The following ZFYVE28 variants were observed in gnomAD, a reference collection of about 807,000 sequenced individuals.
ZFYVE28 encodes lateral signaling target protein 2 homolog.
ZFYVE28 carries 40 observed loss-of-function variants against 82.1 expected under a neutral mutation model. That is an observed-to-expected ratio of 0.49 (90% CI 0.38 to 0.63). The LOEUF is 0.63. Among genes scored for constraint, ZFYVE28 ranks in the 30% least tolerant of loss-of-function variants. ZFYVE28 has a pLI of 0.00. For missense variants in ZFYVE28, 1,321 were observed against 1,242.1 expected (o/e 1.06, Z -0.96); for synonymous variants, 612 against 546.1 (o/e 1.12, Z -1.68).
intron 1 of ZFYVE28, chr4:2,364,386 GC>G: frequency 1.0e-6 from 1 of 959,052 alleles, no homozygotes; most frequent in South Asian, 4.8e-5. Context: ...CGCCCTGCCC[GC>G]CCCAAGGGCA....
At chr4:2,285,452 T>G (rs1378652776) in intron 8 of ZFYVE28, 4 of 152,294 alleles carry the variant, frequency 2.6e-5, no homozygotes, top group African/African-American at 9.6e-5. Context: ...GTGTCAGCCC[T>G]AATAACTTCC....
intron 7 of ZFYVE28, among the ~76,000 whole-genome samples, chr4:2,312,672 G>A (rs1484982117): frequency 1.1e-4 from 16 of 146,380 alleles, no homozygotes; most frequent in Admixed American, 7.7e-4. Context: ...AGCTTGCAGT[G>A]AGCGAGATCG....
At chr4:2,415,451 T>TACACAC (rs58420760) in intron 1 of ZFYVE28, among the ~76,000 whole-genome samples, 12,654 of 147,194 alleles carry the variant, frequency 0.086, 600 homozygotes, top group East Asian at 0.25. Flanking sequence ...ACCCTGTCTC[T>TACACAC]ACACACACAC....
rs1255526578 is a variant in ZFYVE28 at position 2,341,366 on chromosome 4, G to A, written c.318+112C>T. 10 of 1,431,916 alleles carry A rather than the reference G, an allele frequency of 7.0e-6. No individual in the cohort carries two copies. Among genetic ancestry groups the A allele is most frequent in the Non-Finnish European group, 9.5e-6 (10 of 1,049,444 alleles). The allele number at this position is 1,431,916 out of a possible 1,614,324, so 88.7% of individuals were successfully genotyped here. ...GTAACCCAGAGTGGACGGAGCTCTT[G>A]GAGGAGACACCAGGTCCCGGCACCT... On this transcript the variant is annotated intron_variant, in intron 3 of 12. Coordinates refer to ENST00000290974, the MANE Select transcript of ZFYVE28 (RefSeq NM_020972.3). This position sits in a 1 kb window ranked among gnomAD's most constrained non-coding sequence, Gnocchi z 4.5.
At chr4:2,373,523 A>T (rs13139003) in intron 1 of ZFYVE28, among the ~76,000 whole-genome samples, 2 of 151,964 alleles carry the variant, frequency 1.3e-5, no homozygotes, top group Non-Finnish European at 2.9e-5. Flanking sequence ...AATTTTAAGT[A>T]TGGAAGTTCT....
intron 1 of ZFYVE28, among the ~76,000 whole-genome samples, chr4:2,368,649 A>G (rs1727175921): frequency 6.6e-6 from 1 of 152,206 alleles, no homozygotes; most frequent in Non-Finnish European, 1.5e-5. Flanking sequence ...CATCCACATT[A>G]CAGCATAAAT....
At chr4:2,399,360 T>C (rs1730920764) in intron 1 of ZFYVE28, among the ~76,000 whole-genome samples, 1 of 152,132 alleles carries the variant, frequency 6.6e-6, no homozygotes. Context: ...AAAGGTGAAA[T>C]CTCTGCCCCT....
At chr4:2,357,622 A>G (rs2108888038) in intron 1 of ZFYVE28, among the ~76,000 whole-genome samples, 1 of 152,332 alleles carries the variant, frequency 6.6e-6, no homozygotes, top group South Asian at 2.1e-4. Context: ...GTCCCACAGC[A>G]GACACCTGGC....
intron 8 of ZFYVE28, among the ~76,000 whole-genome samples, chr4:2,289,411 G>C (rs1052478245): frequency 6.6e-6 from 1 of 152,214 alleles, no homozygotes; most frequent in Non-Finnish European, 1.5e-5. Context: ...CCTGGGCCGC[G>C]TAACACAGGC....
chr4:2,351,332 C>T (rs73087170), intron 2 of ZFYVE28, among the ~76,000 whole-genome samples: 2,020 of 152,222 alleles, frequency 0.013, 44 homozygotes, highest in African/African-American at 0.045. Flanking sequence ...AAAACCATTA[C>T]CTAGATTCCC....
intron 1 of ZFYVE28, among the ~76,000 whole-genome samples, chr4:2,404,318 A>AAAAC (rs1468847825): frequency 7.7e-4 from 48 of 62,150 alleles, no homozygotes; most frequent in South Asian, 2.4e-3. Context: ...TCAAAAAAAA[A>AAAAC]AAAAAAAAAA....
intron 1 of ZFYVE28, among the ~76,000 whole-genome samples, chr4:2,399,910 C>T (rs1222755109): frequency 6.6e-6 from 1 of 152,142 alleles, no homozygotes; most frequent in Admixed American, 6.5e-5. Flanking sequence ...GGTGGAGGAA[C>T]AGGGCAGGGC....
intron 1 of ZFYVE28, among the ~76,000 whole-genome samples, chr4:2,378,253 A>G (rs764086416): frequency 7.9e-5 from 12 of 152,234 alleles, no homozygotes; most frequent in Non-Finnish European, 1.6e-4. Context: ...AGGCGTAAGA[A>G]TTGCTTGAAC....
At chr4:2,338,188 C>T (rs1285246499) in intron 4 of ZFYVE28, among the ~76,000 whole-genome samples, 1 of 152,280 alleles carries the variant, frequency 6.6e-6, no homozygotes, top group Non-Finnish European at 1.5e-5. Context: ...CCACGGAAGC[C>T]AGCCCAGGCT....
intron 8 of ZFYVE28, chr4:2,285,498 G>C (rs1712590846): frequency 6.6e-6 from 1 of 152,270 alleles, no homozygotes; most frequent in South Asian, 2.1e-4. Flanking sequence ...GAGCAGGCTG[G>C]AATCTCCCTG....
chr4:2,383,731 G>A (rs952245103), intron 1 of ZFYVE28, among the ~76,000 whole-genome samples: 6 of 152,178 alleles, frequency 3.9e-5, no homozygotes, highest in Non-Finnish European at 2.9e-5. Flanking sequence ...GAAGGAGGAG[G>A]TACGCTTCAC....
At chr4:2,356,357 G>A (rs570423549) in intron 1 of ZFYVE28, among the ~76,000 whole-genome samples, 167 of 152,296 alleles carry the variant, frequency 1.1e-3, no homozygotes, top group Non-Finnish European at 1.3e-3. Context: ...GCTAGGAGCC[G>A]ATCTGGACCT....
intron 1 of ZFYVE28, among the ~76,000 whole-genome samples, chr4:2,361,787 A>T (rs1004315232): frequency 3.3e-5 from 5 of 151,916 alleles, no homozygotes; most frequent in Non-Finnish European, 2.9e-5. Context: ...TCCCTTTCAC[A>T]CTCTTGTTTG....
intron 8 of ZFYVE28, among the ~76,000 whole-genome samples, chr4:2,277,399 G>C (rs1386117713): frequency 1.3e-5 from 2 of 152,202 alleles, no homozygotes; most frequent in Non-Finnish European, 2.9e-5. Flanking sequence ...AGAATTGCTT[G>C]AACCCGGGAG....
Sources: gnomAD v4.1 joint callset for allele counts (sites outside exome capture counted in the v4.1 genomes callset) on GRCh38, gnomAD v4.1.1 for gene constraint, Gnocchi (gnomAD v3.1) non-coding constraint, MANE v1.5 for transcripts, NCBI Gene and HGNC (gene_info 2026-07-23, HGNC 2026-07-21) for gene names.